Variants in OLFM3 observed in about 807,000 individuals in gnomAD.
The protein encoded by OLFM3 is noelin-3.
OLFM3 carries 20 observed loss-of-function variants against 48.6 expected under a neutral mutation model. The ratio of observed to expected loss-of-function variants is 0.41; its 90% CI spans 0.29 to 0.60. OLFM3 has a LOEUF of 0.60. Ranked by LOEUF, OLFM3 falls within the 20% of genes least tolerant of loss-of-function variation. The pLI is 0.28. For synonymous variants in OLFM3, 222 were observed against 198.1 expected (o/e 1.12, Z -1.01); for missense variants, 437 against 544.3 (o/e 0.80, Z 1.96).
intron 1 of OLFM3, among the ~76,000 whole-genome samples, chr1:101,966,270 T>C (rs903649426): frequency 6.6e-6 from 1 of 152,090 alleles, no homozygotes; most frequent in Non-Finnish European, 1.5e-5. Context: ...GCTCAAGGTA[T>C]CCTTGTGTCT....
intron 1 of OLFM3, among the ~76,000 whole-genome samples, chr1:101,915,247 T>C (rs560402613): frequency 6.7e-6 from 1 of 148,990 alleles, no homozygotes; most frequent in African/African-American, 2.6e-5. Flanking sequence ...ATACCTGAAA[T>C]TTTTTGGAGT....
At chr1:101,830,942 G>C (rs1655119960) in intron 2 of OLFM3, 115 bp from the exon 3 acceptor site, 3 of 795,278 alleles carry the variant, frequency 3.8e-6, no homozygotes, top group Non-Finnish European at 6.0e-6. Flanking sequence ...ATTCATAACT[G>C]GGTTCCCATA....
At chr1:101,807,297 G>A (rs1252026492) in intron 4 of OLFM3, among the ~76,000 whole-genome samples, 1 of 151,662 alleles carries the variant, frequency 6.6e-6, no homozygotes, top group Non-Finnish European at 1.5e-5. Context: ...CCTATAAAAT[G>A]TTGGGTTTTG....
chr1:101,910,205 G>T, intron 1 of OLFM3: 3 of 874,758 alleles, frequency 3.4e-6, no homozygotes, highest in Non-Finnish European at 4.1e-6. Flanking sequence ...GGTCGCTCAC[G>T]CCTGTAATCC....
chr1:101,966,505 A>G (rs1240316226), intron 1 of OLFM3, among the ~76,000 whole-genome samples: 1 of 152,156 alleles, frequency 6.6e-6, no homozygotes, highest in Non-Finnish European at 1.5e-5. Flanking sequence ...ATCCTTTATT[A>G]AAGTTCTTTG....
chr1:101,822,958 T>C lies in OLFM3; in HGVS notation c.592+2068A>G, dbSNP rs1654679030. Among the ~76,000 whole-genome samples the C allele has an allele frequency of 2.0e-5, 3 of 152,026 alleles. No individual in the cohort carries two copies. The South Asian group carries it at 6.2e-4, about 32-fold the overall frequency. On this transcript the variant is annotated intron_variant, in intron 4 of 5. Coordinates refer to ENST00000370103, the MANE Select transcript of OLFM3 (RefSeq NM_058170.4). ...TCTTATCATGCCCTGCCATTTTGAC[T>C]CAAATAGGATGTGGCTAAAAAGATG...
At chr1:101,828,803 C>CT (rs1655006960) in intron 3 of OLFM3, among the ~76,000 whole-genome samples, 1 of 152,168 alleles carries the variant, frequency 6.6e-6, no homozygotes, top group East Asian at 1.9e-4. Flanking sequence ...CTTCCCACAC[C>CT]TAAGGTGCCA....
chr1:101,950,217 C>T (rs1220644223), intron 1 of OLFM3, among the ~76,000 whole-genome samples: 4 of 152,024 alleles, frequency 2.6e-5, no homozygotes, highest in Non-Finnish European at 5.9e-5. Flanking sequence ...TTGAACTCAC[C>T]AACATGGTTC....
At chr1:101,891,778 A>G (rs1190210374) in intron 1 of OLFM3, among the ~76,000 whole-genome samples, 1 of 152,012 alleles carries the variant, frequency 6.6e-6, no homozygotes, top group Non-Finnish European at 1.5e-5. Flanking sequence ...AATATTCACT[A>G]CTGATGTTTA....
At chr1:101,882,333 T>C (rs1006726461) in intron 1 of OLFM3, among the ~76,000 whole-genome samples, 24 of 94,870 alleles carry the variant, frequency 2.5e-4, no homozygotes, top group Admixed American at 9.6e-5. Context: ...ATATATATAA[T>C]ATATATATAT....
At chr1:101,829,950 T>G (rs919319490) in intron 3 of OLFM3, among the ~76,000 whole-genome samples, 1 of 152,006 alleles carries the variant, frequency 6.6e-6, no homozygotes, top group African/African-American at 2.4e-5. Context: ...TCCTCCTGCC[T>G]CAGCCTCCCG....
rs1352811936 is a variant in OLFM3, at chr1:101,825,048, A to T, written c.570T>A (p.Leu190=). ...CACTTAGCTTTTTCATGCAGTCACG[A>T]AGTCTTGTTTCCAAGCTCAGCACTC... ...HQRVLSLETR[L]RDCMKKLTCG... Residue 190 remains leucine, a synonymous_variant, in exon 4 of 6, where the codon CTT becomes CTA. Transcript: ENST00000370103. 2 of 1,613,926 alleles carry T rather than the reference A, an allele frequency of 1.2e-6. No homozygotes were observed. Among genetic ancestry groups the T allele is most frequent in the South Asian group, 2.2e-5 (2 of 91,088 alleles).
intron 1 of OLFM3, among the ~76,000 whole-genome samples, chr1:101,905,297 G>T (rs1017366059): frequency 1.3e-5 from 2 of 152,082 alleles, no homozygotes; most frequent in African/African-American, 4.8e-5. Flanking sequence ...ACATTCATTG[G>T]ATTGCAATTG....
chr1:101,929,435 A>C (rs1294436026), intron 1 of OLFM3, among the ~76,000 whole-genome samples: 1 of 151,496 alleles, frequency 6.6e-6, no homozygotes, highest in African/African-American at 2.4e-5. Flanking sequence ...GAGTAAGTGG[A>C]CTCAGCTCTT....
chr1:101,913,255 A>G (rs1658816687), intron 1 of OLFM3, among the ~76,000 whole-genome samples: 1 of 152,182 alleles, frequency 6.6e-6, no homozygotes, highest in Non-Finnish European at 1.5e-5. Flanking sequence ...CAGACATTTT[A>G]ATTGAAAGGT....
chr1:101,880,251 C>G (rs1395296609), intron 1 of OLFM3, among the ~76,000 whole-genome samples: 1 of 151,786 alleles, frequency 6.6e-6, no homozygotes, highest in Non-Finnish European at 1.5e-5. Context: ...CTATTTTTAA[C>G]TTGGATACCT....
chr1:101,968,169 G>T (rs1660673086), intron 1 of OLFM3, among the ~76,000 whole-genome samples: 1 of 152,106 alleles, frequency 6.6e-6, no homozygotes, highest in South Asian at 2.1e-4. Context: ...ACATAACTTT[G>T]TGTGAGTCCA....
chr1:101,857,103 C>T (rs1295260368), intron 1 of OLFM3, among the ~76,000 whole-genome samples: 1 of 151,912 alleles, frequency 6.6e-6, no homozygotes, highest in Admixed American at 6.6e-5. Context: ...CTCCAAAAGA[C>T]ATTTATGTAT....
intron 1 of OLFM3, among the ~76,000 whole-genome samples, chr1:101,878,348 C>A (rs992516701): frequency 1.3e-5 from 2 of 151,830 alleles, no homozygotes; most frequent in Non-Finnish European, 2.9e-5. Context: ...TCTGTGTGGA[C>A]CCCATCAGTG....
Sources: allele counts gnomAD v4.1 joint callset (sites outside exome capture counted in the v4.1 genomes callset), GRCh38; gene constraint gnomAD v4.1.1; transcripts MANE v1.5; gene names NCBI Gene and HGNC (gene_info 2026-07-23, HGNC 2026-07-21).